The following TNFRSF11B variants were observed in gnomAD, a reference collection of about 807,000 sequenced individuals.
The protein encoded by TNFRSF11B is TNF receptor superfamily member 11b, also known as tumor necrosis factor receptor superfamily member 11B.
Under a neutral mutation model 43.4 loss-of-function variants are expected in TNFRSF11B, and 16 were observed. The observed-to-expected ratio is 0.37, with a 90% CI of 0.25 to 0.56. The LOEUF is 0.56. TNFRSF11B is among the 20% of genes least tolerant of loss of function. The pLI is 0.80. For synonymous variants in TNFRSF11B, 185 were observed against 181.8 expected, an observed-to-expected ratio of 1.02 and a Z score of -0.14; for missense variants, 444 against 490.1, an observed-to-expected ratio of 0.91 and a Z score of 0.89.
intron 1 of TNFRSF11B, among the ~76,000 whole-genome samples, chr8:118,936,123 C>T (rs1315791655): frequency 6.6e-6 from 1 of 152,054 alleles, no homozygotes; most frequent in African/African-American, 2.4e-5. Context: ...TTTCCCAAAA[C>T]CATGCTTCAG....
chr8:118,924,422 T>G lies in TNFRSF11B; in HGVS notation c.1158A>C (p.Leu386Phe). ...TMYKLYQKLFLEMIGNQVQSV... is the reference protein window; with the variant it reads ...TMYKLYQKLFFEMIGNQVQSV... The stretch of plus-strand genomic sequence containing the variant: ...ATTGGACCTGGTTACCTATCATTTC[T>G]AAAAATAACTTCTGATACAATTTGT... Residue 386 changes from leucine (L) to phenylalanine (F), a missense_variant, in exon 5 of 5, where the codon TTA (leucine) becomes TTC (phenylalanine). By Grantham distance (22) the Leu-to-Phe change is conservative (BLOSUM62 0). Coordinates refer to ENST00000297350, the MANE Select transcript of TNFRSF11B (RefSeq NM_002546.4). The G allele has an allele frequency of 1.2e-6, 2 of 1,614,186 alleles. No individual in the cohort carries two copies. The highest frequency in any genetic ancestry group is 1.7e-6 in the Non-Finnish European group (2 of 1,180,008).
intron 1 of TNFRSF11B, among the ~76,000 whole-genome samples, chr8:118,948,589 AC>A (rs1812598380): frequency 8.3e-6 from 1 of 120,252 alleles, no homozygotes; most frequent in Non-Finnish European, 1.6e-5. Context: ...GTGGAATTTC[AC>A]AGCTGTAGTT....
Position 118,951,691 on chromosome 8 carries a change from G to T in TNFRSF11B, c.30+101C>A, listed in dbSNP as rs1213020570. On this transcript the variant is annotated intron_variant, in intron 1 of 4. Coordinates refer to ENST00000297350, the MANE Select transcript of TNFRSF11B (RefSeq NM_002546.4). The stretch of plus-strand genomic sequence containing the variant: ...CCCCAAGCCTCTCCTGGGAGGGAGC[G>T]AGTGGAGCCTTCTCCCCGCCGGTCC... 11 of 1,157,128 alleles carry T rather than the reference G, an allele frequency of 9.5e-6. No homozygotes were observed. In the Admixed American group the frequency reaches 1.6e-4, roughly 17 times the overall value. The allele number at this position is 1,157,128 out of a possible 1,614,324, so 71.7% of individuals were successfully genotyped here.
chr8:118,948,221 C>T (rs1438845501), intron 1 of TNFRSF11B, among the ~76,000 whole-genome samples: 1 of 152,112 alleles, frequency 6.6e-6, no homozygotes, highest in African/African-American at 2.4e-5. Context: ...TCAGTCAAGG[C>T]TTTAATGCAA....
At chr8:118,934,852 C>T (rs190954599) in intron 1 of TNFRSF11B, among the ~76,000 whole-genome samples, 34 of 152,300 alleles carry the variant, frequency 2.2e-4, no homozygotes, top group Non-Finnish European at 1.5e-4. Context: ...AAACAGCACA[C>T]CCTTTTGAAT....
chr8:118,937,883 T>C (rs1392558549), intron 1 of TNFRSF11B, among the ~76,000 whole-genome samples: 1 of 152,194 alleles, frequency 6.6e-6, no homozygotes, highest in Non-Finnish European at 1.5e-5. Flanking sequence ...AAACACTGTC[T>C]CTAAGAAGGG....
chr8:118,936,933 C>G (rs558135726), intron 1 of TNFRSF11B, among the ~76,000 whole-genome samples: 2 of 152,272 alleles, frequency 1.3e-5, no homozygotes, highest in African/African-American at 4.8e-5. Context: ...CCCTGGCTAC[C>G]TATCATTTTG....
intron 1 of TNFRSF11B, among the ~76,000 whole-genome samples, chr8:118,938,919 G>A (rs567521483): frequency 1.3e-5 from 2 of 152,322 alleles, no homozygotes; most frequent in Admixed American, 6.5e-5. Flanking sequence ...GACACAGTGG[G>A]TTTCCATTTA....
In TNFRSF11B at chr8:118,928,831, T is replaced by A. The variant is rs1812284171; in HGVS notation, c.499A>T (p.Ser167Cys). ...TGAGTTAGCAGGAGACCAAAGACAC[T>A]GCAATTTGTGTGTTTTCTACAGGGT... is the stretch of plus-strand genomic sequence containing the variant. ...KAPCRKHTNC[S>C]VFGLLLTQKG... Residue 167 changes from serine to cysteine, a missense_variant, in exon 3 of 5, where the codon AGT becomes TGT. Ser to Cys is a moderately radical substitution (Grantham distance 112). Coordinates refer to ENST00000297350, the MANE Select transcript of TNFRSF11B (RefSeq NM_002546.4). 6.2e-7 allele frequency: 1 copy of A among 1,614,104 alleles called. No homozygotes were observed. The highest frequency in any genetic ancestry group is 8.5e-7 in the Non-Finnish European group (1 of 1,180,046).
At chr8:118,928,093 A>G (rs1030082771) in intron 3 of TNFRSF11B, among the ~76,000 whole-genome samples, 1 of 151,680 alleles carries the variant, frequency 6.6e-6, no homozygotes, top group Non-Finnish European at 1.5e-5. Flanking sequence ...GTACAATCTC[A>G]GCTCACTGCA....
intron 2 of TNFRSF11B, among the ~76,000 whole-genome samples, chr8:118,931,048 G>A (rs966963941): frequency 1.3e-5 from 2 of 152,152 alleles, no homozygotes; most frequent in South Asian, 2.1e-4. Flanking sequence ...TATAATGATG[G>A]AGAAATTTGG....
intron 3 of TNFRSF11B, among the ~76,000 whole-genome samples, chr8:118,928,526 C>T (rs530788412): frequency 6.6e-6 from 1 of 152,272 alleles, no homozygotes; most frequent in East Asian, 1.9e-4. Flanking sequence ...GAAAATCAAG[C>T]TTTGAGGTGT....
chr8:118,950,234 G>T, intron 1 of TNFRSF11B, among the ~76,000 whole-genome samples: 1 of 152,132 alleles, frequency 6.6e-6, no homozygotes, highest in Non-Finnish European at 1.5e-5. Flanking sequence ...GAATAAAAAT[G>T]TCCCCATATT....
At chr8:118,951,458 A>C (rs967856972) in intron 1 of TNFRSF11B, among the ~76,000 whole-genome samples, 1 of 152,234 alleles carries the variant, frequency 6.6e-6, no homozygotes, top group Non-Finnish European at 1.5e-5. Context: ...TATGGACTAC[A>C]TGAGGGCGTT....
intron 3 of TNFRSF11B, among the ~76,000 whole-genome samples, chr8:118,928,247 C>A (rs1017189261): frequency 6.6e-6 from 1 of 151,570 alleles, no homozygotes; most frequent in African/African-American, 2.4e-5. Flanking sequence ...GTCTTGAAAT[C>A]CTGACCTCAA....
In TNFRSF11B at chr8:118,933,319, A is replaced by G. The variant is rs748854108; in HGVS notation, c.31-19T>C. ...CCAGAAACTAGAAGGAGAAAGGAAC[A>G]CAGTGGCATCATCTTAGCATGAAAA... On this transcript the variant is annotated intron_variant, in intron 1 of 4. Coordinates refer to ENST00000297350, the MANE Select transcript of TNFRSF11B (RefSeq NM_002546.4). 1.2e-6 allele frequency: 2 copies of G among 1,612,364 alleles called. No homozygotes were observed. The highest frequency in any genetic ancestry group is 2.2e-5 in the South Asian group (2 of 91,066).
chr8:118,930,725 C>T (rs1297576707), intron 2 of TNFRSF11B: 1 of 449,442 alleles, frequency 2.2e-6, no homozygotes, highest in Non-Finnish European at 4.5e-6. Context: ...GAATCTTGTT[C>T]ATTCTTCAGA....
chr8:118,929,191 G>A, intron 2 of TNFRSF11B: 1 of 496,014 alleles, frequency 2.0e-6, no homozygotes, highest in African/African-American at 1.9e-5. Context: ...AATGTGAGAG[G>A]AAAGGAAAGA....
At chr8:118,934,274 C>T (rs1202320170) in intron 1 of TNFRSF11B, among the ~76,000 whole-genome samples, 1 of 152,204 alleles carries the variant, frequency 6.6e-6, no homozygotes, top group Non-Finnish European at 1.5e-5. Context: ...GTGAGTCAGA[C>T]ATGTCCCCTG....
Sources: gnomAD v4.1 joint callset for allele counts (sites outside exome capture counted in the v4.1 genomes callset) on GRCh38, gnomAD v4.1.1 for gene constraint, MANE v1.5 for transcripts, NCBI Gene and HGNC (gene_info 2026-07-23, HGNC 2026-07-21) for gene names.